Variants in ABCC2 observed in about 807,000 individuals in gnomAD.
The protein encoded by ABCC2 is ATP binding cassette subfamily C member 2.
In ABCC2, 157 loss-of-function variants were observed where a neutral mutation model predicts 173.4. The ratio of observed to expected loss-of-function variants is 0.91; its 90% confidence interval spans 0.80 to 1.03. ABCC2 has a LOEUF of 1.03. Ranked by LOEUF, ABCC2 falls within the 50% of genes least tolerant of loss-of-function variation. The pLI, the probability that ABCC2 is intolerant of heterozygous loss-of-function variation, is 0.00. For synonymous variants in ABCC2, 657 were observed against 693.5 expected (o/e 0.95, Z 0.83); for missense variants, 1,822 against 1,852.3 (o/e 0.98, Z 0.30).
Position 99,823,508 on chromosome 10 carries a change from T to C in ABCC2, c.2620+4239T>C, listed in dbSNP as rs376280404. Among the ~76,000 whole-genome samples, 84 of 151,006 alleles carry C rather than the reference T, an allele frequency of 5.6e-4. No individual in the cohort carries two copies. In the East Asian group the frequency reaches 0.013, roughly 24 times the overall value. On this transcript the variant is annotated intron_variant, in intron 19 of 31. Coordinates refer to ENST00000647814, the MANE Select transcript of ABCC2 (RefSeq NM_000392.5). ...CCTGTACTACATATGCAGAATCTGATATAATATTGATAGGTTGGTCAAAAT... is the reference window on the plus strand; with the variant it reads ...CCTGTACTACATATGCAGAATCTGACATAATATTGATAGGTTGGTCAAAAT...
chr10:99,828,203 G>A (rs781767509), intron 19 of ABCC2, among the ~76,000 whole-genome samples: 3 of 151,658 alleles, frequency 2.0e-5, no homozygotes, highest in African/African-American at 4.8e-5. Flanking sequence ...TGTCTTTAAT[G>A]TACAAAGAAC....
intron 31 of ABCC2, 75 bp downstream of exon 31, chr10:99,850,871 A>C (rs1245542249): frequency 3.9e-6 from 6 of 1,530,666 alleles, no homozygotes; most frequent in Non-Finnish European, 5.4e-6. Flanking sequence ...GCCGGGAAAC[A>C]CCTGATGGCA....
Position 99,813,004 on chromosome 10 carries a change from T to C in ABCC2, c.1968-14T>C, listed in dbSNP as rs2038243080. 1 of 1,613,462 alleles carries C rather than the reference T, an allele frequency of 6.2e-7. No homozygotes were observed. The highest frequency in any genetic ancestry group is 2.2e-5 in the East Asian group (1 of 44,854). On this transcript the variant is annotated splice_polypyrimidine_tract_variant and intron_variant, in intron 15 of 31. Transcript: ENST00000647814. ...ACCCCTGCTATCTCCTTCAAAGACATTCCTGTCTTTCAGTGTGAACCTGGA... is the reference window on the plus strand; with the variant it reads ...ACCCCTGCTATCTCCTTCAAAGACACTCCTGTCTTTCAGTGTGAACCTGGA...
intron 16 of ABCC2, among the ~76,000 whole-genome samples, chr10:99,814,349 A>G (rs191992026): frequency 1.2e-4 from 17 of 137,348 alleles, no homozygotes; most frequent in Admixed American, 1.0e-3. Context: ...ATATATACAC[A>G]CGTATGTATA....
chr10:99,822,876 G>A (rs2038561904), intron 19 of ABCC2, among the ~76,000 whole-genome samples: 3 of 152,052 alleles, frequency 2.0e-5, no homozygotes, highest in Admixed American at 2.0e-4. Context: ...ATTTTCCACT[G>A]ACTTAAGAAT....
intron 13 of ABCC2, among the ~76,000 whole-genome samples, chr10:99,808,979 C>A (rs903355248): frequency 6.6e-6 from 1 of 152,170 alleles, no homozygotes; most frequent in Non-Finnish European, 1.5e-5. Flanking sequence ...TTTTTAGATA[C>A]AATTTATTGC....
intron 26 of ABCC2, among the ~76,000 whole-genome samples, chr10:99,843,020 T>C (rs1173366052): frequency 1.3e-5 from 2 of 150,120 alleles, no homozygotes; most frequent in South Asian, 4.2e-4. Context: ...GCCATTGCAC[T>C]CCAGCCTGGG....
chr10:99,846,790 G>T (rs1428973798), intron 29 of ABCC2, among the ~76,000 whole-genome samples, 171 bp from the exon 30 acceptor site: 1 of 152,166 alleles, frequency 6.6e-6, no homozygotes, highest in Non-Finnish European at 1.5e-5. Context: ...CTGGCTGGTA[G>T]CCACTCCGAG....
intron 30 of ABCC2, among the ~76,000 whole-genome samples, chr10:99,848,231 A>T (rs1160706273): frequency 6.6e-6 from 1 of 152,234 alleles, no homozygotes; most frequent in East Asian, 1.9e-4. Flanking sequence ...CTGTTGAAAC[A>T]CCTGAAATCA....
chr10:99,826,467 G>A (rs1011591257), intron 19 of ABCC2, among the ~76,000 whole-genome samples: 1 of 151,488 alleles, frequency 6.6e-6, no homozygotes, highest in African/African-American at 2.4e-5. Flanking sequence ...ATCAGGGTAG[G>A]GCTCTTTCGA....
At chr10:99,810,377 G>A (rs1182250882) in intron 14 of ABCC2, among the ~76,000 whole-genome samples, 159 bp downstream of exon 14, 1 of 152,216 alleles carries the variant, frequency 6.6e-6, no homozygotes, top group African/African-American at 2.4e-5. Flanking sequence ...CTTGAATTAT[G>A]TTTACACTTA....
intron 25 of ABCC2, among the ~76,000 whole-genome samples, chr10:99,836,700 C>G (rs2038829360): frequency 6.6e-6 from 1 of 152,122 alleles, no homozygotes; most frequent in Non-Finnish European, 1.5e-5. Context: ...GTGAGATTCT[C>G]CATAGTCATG....
intron 8 of ABCC2, among the ~76,000 whole-genome samples, chr10:99,799,953 G>A (rs1316516281): frequency 6.6e-6 from 1 of 152,204 alleles, no homozygotes; most frequent in African/African-American, 2.4e-5. Flanking sequence ...TGTAATCTCA[G>A]CAGTTTGGGA....
intron 6 of ABCC2, among the ~76,000 whole-genome samples, chr10:99,795,062 G>T (rs1215118481): frequency 1.3e-5 from 2 of 152,134 alleles, no homozygotes; most frequent in Non-Finnish European, 2.9e-5. Context: ...TTGGAGGCAG[G>T]TTTGGAGGGT....
At chr10:99,797,006 C>G (rs1379244606) in intron 6 of ABCC2, 91 bp from the exon 7 acceptor site, 1 of 1,131,744 alleles carries the variant, frequency 8.8e-7, no homozygotes, top group Non-Finnish European at 1.3e-6. Flanking sequence ...TCCCTCTATC[C>G]CAGAACCTGG....
chr10:99,813,277 T>C, intron 16 of ABCC2, 133 bp downstream of exon 16: 1 of 1,233,868 alleles, frequency 8.1e-7, no homozygotes, highest in South Asian at 1.3e-5. Flanking sequence ...TTGTGGACTG[T>C]GATTCTCCTT....
chr10:99,824,812 C>T (rs1277759545), intron 19 of ABCC2, among the ~76,000 whole-genome samples: 3 of 145,784 alleles, frequency 2.1e-5, no homozygotes, highest in African/African-American at 5.1e-5. Context: ...CGCCATTTGC[C>T]TGATTTCTTC....
In ABCC2 at chr10:99,834,426, G is replaced by A. The variant is rs373130678; in HGVS notation, c.3305G>A (p.Trp1102Ter). ...DDTLPQSLRSWITCFLGIIST... is the reference protein window; with the variant it reads ...DDTLPQSLRS Reference sequence around the variant, plus strand: ...ACCCTGCCTCAGTCCTTGCGCAGCTGGATTACATGCTTCCTGGGGATAATC... The same window carrying A: ...ACCCTGCCTCAGTCCTTGCGCAGCTAGATTACATGCTTCCTGGGGATAATC... Residue 1102 changes from tryptophan to a stop codon, truncating the protein, a stop_gained, in exon 24 of 32, where the codon TGG (tryptophan) becomes TAG (stop). Coordinates refer to ENST00000647814, the MANE Select transcript of ABCC2 (RefSeq NM_000392.5). LOFTEE classifies it high-confidence loss of function. The A allele has an allele frequency of 6.2e-7, 1 of 1,614,012 alleles. No individual in the cohort carries two copies. Among genetic ancestry groups the A allele is most frequent in the Non-Finnish European group, 8.5e-7 (1 of 1,180,032 alleles).
In ABCC2 at chr10:99,793,940, G is replaced by A. The variant is rs138663047; in HGVS notation, c.517G>A (p.Gly173Arg). Residue 173 changes from glycine to arginine, a missense_variant, in exon 5 of 32, where the codon GGA becomes AGA. Coordinates refer to ENST00000647814, the MANE Select transcript of ABCC2 (RefSeq NM_000392.5). ...AYSCLFFISY[G>R]FQILILIFSA... ...CTCCTGCCTGTTCTTCATCTCCTAC[G>A]GATTCCAGATCCTGATCCTGATCTT... 50 of 1,613,578 alleles carry A rather than the reference G, an allele frequency of 3.1e-5. No homozygotes were observed. Among genetic ancestry groups the A allele is most frequent in the African/African-American group, 9.4e-5 (7 of 74,824 alleles).
Sources: gnomAD v4.1 joint callset for allele counts (sites outside exome capture counted in the v4.1 genomes callset) on GRCh38, gnomAD v4.1.1 for gene constraint, MANE v1.5 for transcripts, NCBI Gene and HGNC (gene_info 2026-07-23, HGNC 2026-07-21) for gene names.